Variants in LY6D observed in about 807,000 individuals in gnomAD.
The protein encoded by LY6D is lymphocyte antigen 6 family member D, also known as lymphocyte antigen 6D.
A neutral mutation model predicts 5.6 loss-of-function variants in LY6D; 7 were observed. The ratio of observed to expected loss-of-function variants is 1.24; its 90% CI spans 0.71 to 2.34. The LOEUF is 2.34. LY6D is among the 30% of genes most tolerant of loss of function. The pLI is 0.00. For synonymous variants in LY6D, 81 were observed against 75.0 expected, an observed-to-expected ratio of 1.08 and a Z score of -0.41; for missense variants, 148 against 164.8, an observed-to-expected ratio of 0.90 and a Z score of 0.56.
In LY6D at chr8:142,785,128, C is replaced by T; in HGVS notation, c.*93G>A. ...TTTCGGGGAAGCCCTCAGCCTGGGG[C>T]TCCTGGCACCCCCGTTGCGGCTGGG... On this transcript the variant is annotated 3_prime_UTR_variant, in exon 3 of 3. Transcript: ENST00000301263. The T allele has an allele frequency of 9.7e-7, 1 of 1,034,070 alleles. No individual in the cohort carries two copies. The highest frequency in any genetic ancestry group is 1.4e-6 in the Non-Finnish European group (1 of 719,290). 64.1% of individuals were successfully genotyped at this position (1,034,070 alleles called of 1,614,324 possible). A position where few individuals can be genotyped will look rare whatever the true frequency, so the allele number is the denominator to read the frequency against.
At position 142,785,279 on chromosome 8, in the gene LY6D, G is replaced by T; in HGVS notation, c.329C>A (p.Ala110Asp). Residue 110 changes from alanine (A) to aspartate (D), a missense_variant, in exon 3 of 3, where the codon GCC becomes GAC. Coordinates refer to ENST00000301263, the MANE Select transcript of LY6D (RefSeq NM_003695.3). ...APTRTALAHS[A>D]LSLGLALSLL... ...GCTCAGGGCCAGCCCCAGGCTGAGG[G>T]CACTGTGGGCGAGGGCGGTGCGGGT... The T allele has an allele frequency of 2.5e-6, 4 of 1,613,070 alleles. No individual in the cohort carries two copies. The highest frequency in any genetic ancestry group is 3.4e-6 in the Non-Finnish European group (4 of 1,179,634).
Position 142,785,204 on chromosome 8 carries a change from CT to C in LY6D, c.*16del. 1 of 1,581,492 alleles carries C rather than the reference CT, an allele frequency of 6.3e-7. No individual in the cohort carries two copies. The highest frequency in any genetic ancestry group is 8.7e-7 in the Non-Finnish European group (1 of 1,155,946). On this transcript the variant is annotated 3_prime_UTR_variant, in exon 3 of 3. Transcript: ENST00000301263. ...AAAGGGAAGGAAAGGCATGAGGGGC[CT>C]TCCCTGGGGGGAAGGTCACAGGCTG...
intron 2 of LY6D, 57 bp downstream of exon 2, chr8:142,785,532 C>T: frequency 6.2e-6 from 10 of 1,603,456 alleles, no homozygotes; most frequent in Non-Finnish European, 8.5e-6. Flanking sequence ...CAGCCAACAC[C>T]CACAACAGCC....
intron 2 of LY6D, 50 bp from the exon 3 acceptor site, chr8:142,785,506 C>T: frequency 6.2e-7 from 1 of 1,600,220 alleles, no homozygotes; most frequent in Non-Finnish European, 8.6e-7. Flanking sequence ...CTGCCCCCCA[C>T]CTCCCCACAA....
chr8:142,785,163 T>G lies in LY6D; in HGVS notation c.*58A>C, dbSNP rs1023969972. 1.0e-5 allele frequency: 14 copies of G among 1,353,442 alleles called. No homozygotes were observed. The East Asian group carries it at 1.2e-4, about 12-fold the overall frequency. 83.8% of individuals were successfully genotyped at this position (1,353,442 alleles called of 1,614,324 possible). On this transcript the variant is annotated 3_prime_UTR_variant, in exon 3 of 3. Coordinates refer to ENST00000301263, the MANE Select transcript of LY6D (RefSeq NM_003695.3). ...CCCCGTTGCGGCTGGGGAAGAGAGG[T>G]GTGGAATCCCCAGAGAAAGGGAAGG...
intron 2 of LY6D, 37 bp from the exon 3 acceptor site, chr8:142,785,493 C>T (rs775237696): frequency 6.3e-7 from 1 of 1,597,294 alleles, no homozygotes; most frequent in Admixed American, 1.7e-5. Flanking sequence ...CAGGCAGCCA[C>T]CTCTGCCCCC....
rs1479998579 is a variant in LY6D, at chr8:142,785,444, C to A, written c.164G>T (p.Arg55Met). Residue 55 changes from arginine to methionine, a missense_variant, in exon 3 of 3, where the codon AGG becomes ATG. Arg to Met is a moderately conservative substitution (Grantham distance 91). Coordinates refer to ENST00000301263, the MANE Select transcript of LY6D (RefSeq NM_003695.3). ...ACAGTCCTTCTTCACCAGATTCCCC[C>A]TCAGAGGCTCCACTGGGCACAGGTG... Reference protein sequence around the residue: ...CKTTNTVEPLRGNLVKKDCAE... With the variant: ...CKTTNTVEPLMGNLVKKDCAE... The A allele has an allele frequency of 6.2e-6, 10 of 1,612,328 alleles. No individual in the cohort carries two copies. Among genetic ancestry groups the A allele is most frequent in the Non-Finnish European group, 7.6e-6 (9 of 1,179,244 alleles).
rs1586521026 is a variant in LY6D, at chr8:142,786,303, C to T, written c.52+162G>A. 19 of 1,372,210 alleles carry T rather than the reference C, an allele frequency of 1.4e-5. No homozygotes were observed. The South Asian group carries it at 1.8e-4, about 13-fold the overall frequency. The allele number at this position is 1,372,210 out of a possible 1,614,324, so 85.0% of individuals were successfully genotyped here. On this transcript the variant is annotated intron_variant, in intron 1 of 2. Transcript: ENST00000301263. Reference sequence around the variant, plus strand: ...TCTGAAACATTGTAAATCTGACACTCGTTAAGATTCGGGCTCCATGTTGTT... The same window carrying T: ...TCTGAAACATTGTAAATCTGACACTTGTTAAGATTCGGGCTCCATGTTGTT...
chr8:142,785,234 G>T lies in LY6D; in HGVS notation c.374C>A (p.Ala125Asp). The T allele has an allele frequency of 6.2e-7, 1 of 1,606,074 alleles. No homozygotes were observed. The highest frequency in any genetic ancestry group is 8.5e-7 in the Non-Finnish European group (1 of 1,174,522). The part of the protein sequence containing the change: ...LALSLLAVIL[A>D]PSL ...CTGGGGGGAAGGTCACAGGCTGGGGGCTAAGATGACGGCCAGGAGGCTCAG... is the reference window on the plus strand; with the variant it reads ...CTGGGGGGAAGGTCACAGGCTGGGGTCTAAGATGACGGCCAGGAGGCTCAG... Residue 125 changes from alanine to aspartate, a missense_variant, in exon 3 of 3, where the codon GCC (alanine) becomes GAC (aspartate). Transcript: ENST00000301263.
intron 1 of LY6D, chr8:142,786,244 G>A (rs902996395): frequency 9.6e-6 from 13 of 1,357,980 alleles, no homozygotes; most frequent in East Asian, 5.7e-5. Context: ...CTCAGGGTCC[G>A]TGACTCCAGG....
At chr8:142,786,067 G>A (rs976642660) in intron 1 of LY6D, 1 of 1,191,398 alleles carries the variant, frequency 8.4e-7, no homozygotes, top group Non-Finnish European at 1.0e-6. Flanking sequence ...GGCCCCGGGG[G>A]CAGCCAGCTT....
chr8:142,786,457 C>A lies in LY6D; in HGVS notation c.52+8G>T, dbSNP rs914208805. On this transcript the variant is annotated splice_region_variant and intron_variant, in intron 1 of 2. Coordinates refer to ENST00000301263, the MANE Select transcript of LY6D (RefSeq NM_003695.3). The stretch of plus-strand genomic sequence containing the variant: ...CCACCCGCCCGTCCCCTTGGCCCAG[C>A]CCCTCACCTGGCCCTGTAGCCACAG... 1.9e-6 allele frequency: 3 copies of A among 1,545,876 alleles called. No individual in the cohort carries two copies. Among genetic ancestry groups the A allele is most frequent in the Non-Finnish European group, 2.6e-6 (3 of 1,144,372 alleles).
intron 1 of LY6D, 35 bp downstream of exon 1, chr8:142,786,430 G>GGCCCCCCCCCCCCCCCCCATGGC: frequency 7.0e-7 from 1 of 1,434,868 alleles, no homozygotes; most frequent in Non-Finnish European, 9.4e-7. Flanking sequence ...GGCCACAGCC[G>GGCCCCCCCCCCCCCCCCCATGGC]CCCACCCGCC....
rs112522330 is a variant in LY6D, at chr8:142,786,032, G to A, written c.53-345C>T. ...GGATGTCCCTGGAGGAGATGGCTAT[G>A]TTTCTGAGGGCCTGACGGAGCTAAG... On this transcript the variant is annotated intron_variant, in intron 1 of 2. Transcript: ENST00000301263. 682 of 1,212,204 alleles carry A rather than the reference G, an allele frequency of 5.6e-4. 3 individuals carry two copies. The African/African-American group carries it at 7.8e-3, about 14-fold the overall frequency. The allele number at this position is 1,212,204 out of a possible 1,614,324, so 75.1% of individuals were successfully genotyped here.
Position 142,786,527 on chromosome 8 carries a change from G to C in LY6D, c.-11C>G. 2 of 1,540,918 alleles carry C rather than the reference G, an allele frequency of 1.3e-6. No individual in the cohort carries two copies. Among genetic ancestry groups the C allele is most frequent in the South Asian group, 1.2e-5 (1 of 83,680 alleles). ...CAATGCTGTCCTCATCTCTGATGTC[G>C]TCTGGGAGCAGTGCGGGCCCCTGCA... On this transcript the variant is annotated 5_prime_UTR_variant, in exon 1 of 3. Coordinates refer to ENST00000301263, the MANE Select transcript of LY6D (RefSeq NM_003695.3).
chr8:142,786,059 C>T, intron 1 of LY6D: 2 of 1,192,146 alleles, frequency 1.7e-6, no homozygotes, highest in Non-Finnish European at 2.1e-6. Context: ...GGAGCTAAGG[C>T]CCCGGGGGCA....
intron 1 of LY6D, 100 bp from the exon 2 acceptor site, chr8:142,785,787 G>A: frequency 1.3e-6 from 2 of 1,515,420 alleles, no homozygotes; most frequent in Non-Finnish European, 8.9e-7. Context: ...CTGGACAGAG[G>A]CCCTGCTGCC....
Position 142,785,014 on chromosome 8 carries a change from C to G in LY6D, c.*207G>C. 1.8e-6 allele frequency: 1 copy of G among 567,146 alleles called. No homozygotes were observed. The highest frequency in any genetic ancestry group is 3.1e-6 in the Non-Finnish European group (1 of 318,322). 35.1% of individuals were successfully genotyped at this position (567,146 alleles called of 1,614,324 possible). A position where few individuals can be genotyped will look rare whatever the true frequency, so the allele number is the denominator to read the frequency against. ...CTTCCATGCAGCTGGGGGCTGCATC[C>G]TCTGTGGGGTGGCTTCATCCTCTGT... On this transcript the variant is annotated 3_prime_UTR_variant, in exon 3 of 3. Coordinates refer to ENST00000301263, the MANE Select transcript of LY6D (RefSeq NM_003695.3).
In LY6D at chr8:142,785,700, G is replaced by C. The variant is rs759574561; in HGVS notation, c.53-13C>G. The C allele has an allele frequency of 4.3e-6, 7 of 1,612,888 alleles. No homozygotes were observed. The East Asian group carries it at 1.6e-4, about 36-fold the overall frequency. ...CGCAGGGTAAGGGCTGGCGGGGAGG[G>C]AGTCCGGCTCAGCGGGCCCAACAGA... On this transcript the variant is annotated splice_polypyrimidine_tract_variant and intron_variant, in intron 1 of 2. Coordinates refer to ENST00000301263, the MANE Select transcript of LY6D (RefSeq NM_003695.3).
Sources: allele counts gnomAD v4.1 joint callset, GRCh38; gene constraint gnomAD v4.1.1; transcripts MANE v1.5; gene names NCBI Gene and HGNC (gene_info 2026-07-23, HGNC 2026-07-21).